The following KALRN variants were observed in gnomAD, a reference collection of about 807,000 sequenced individuals.
The protein encoded by KALRN is kalirin RhoGEF kinase, also known as kalirin.
KALRN carries 70 observed loss-of-function variants against 353.7 expected under a neutral mutation model. The observed-to-expected ratio is 0.20, with a 90% CI of 0.16 to 0.24. The LOEUF (loss-of-function observed/expected upper bound fraction) is 0.24. KALRN is among the 10% of genes least tolerant of loss of function. KALRN has a pLI of 1.00. For synonymous variants in KALRN, 1,391 were observed against 1,434.8 expected (o/e 0.97, Z 0.69); for missense variants, 2,791 against 3,756.7 (o/e 0.74, Z 6.72).
At chr3:124,646,136 G>A (rs2082688398) in intron 37 of KALRN, among the ~76,000 whole-genome samples, 1 of 152,092 alleles carries the variant, frequency 6.6e-6, no homozygotes, top group Non-Finnish European at 1.5e-5. Flanking sequence ...GGTGGCACTG[G>A]ACCAGCTAGC....
intron 1 of KALRN, among the ~76,000 whole-genome samples, chr3:124,080,902 G>A (rs1418175520): frequency 1.3e-5 from 2 of 152,126 alleles, no homozygotes; most frequent in South Asian, 2.1e-4. Context: ...CTAAGGAAAC[G>A]ATTGTTTTAA....
At chr3:124,216,746 T>C (rs2077374989) in intron 1 of KALRN, among the ~76,000 whole-genome samples, 2 of 152,266 alleles carry the variant, frequency 1.3e-5, no homozygotes, top group Admixed American at 1.3e-4. Flanking sequence ...TAGCAGACAT[T>C]ATGAGTCAAA....
At chr3:124,247,030 T>C (rs1294125880) in intron 3 of KALRN, among the ~76,000 whole-genome samples, 2 of 152,220 alleles carry the variant, frequency 1.3e-5, no homozygotes, top group African/African-American at 4.8e-5. Context: ...TTACTTATCA[T>C]TGGTTAAGTC....
Position 124,694,459 on chromosome 3 carries a change from C to A in KALRN, c.7533C>A (p.Ile2511=). ...CTTGGAAGGGTCCAGACCAGAACAT[C>A]CTTGACACTGATAACAGCTCAGCCA... ...TITWKGPDQN[I]LDTDNSSATY... Residue 2511 remains isoleucine (I), a synonymous_variant, in exon 53 of 60, where the codon ATC becomes ATA. Transcript: ENST00000682506. 1 of 1,614,176 alleles carries A rather than the reference C, an allele frequency of 6.2e-7. No individual in the cohort carries two copies. The highest frequency in any genetic ancestry group is 1.7e-5 in the Admixed American group (1 of 60,022).
rs868765031 is a variant in KALRN at position 124,254,955 on chromosome 3, T to A, written c.264-9543T>A. On this transcript the variant is annotated intron_variant, in intron 3 of 59. Coordinates refer to ENST00000682506, the MANE Select transcript of KALRN (RefSeq NM_001388419.1). ...TCTGTCTGAAGTATATATATATATT[T>A]TTTTTTTGAGACAGAGTTTTGCTCT... Among the ~76,000 whole-genome samples the A allele has an allele frequency of 1.3e-3, 198 of 151,908 alleles. 1 individual carries two copies. The highest frequency in any genetic ancestry group is 3.8e-3 in the African/African-American group (158 of 41,302).
intron 21 of KALRN, among the ~76,000 whole-genome samples, chr3:124,451,431 G>A (rs553315392): frequency 6.6e-6 from 1 of 152,292 alleles, no homozygotes; most frequent in East Asian, 1.9e-4. Context: ...TGAGCTCTCA[G>A]GTCTAGATTT....
chr3:124,584,705 C>G, intron 34 of KALRN: 1 of 1,475,558 alleles, frequency 6.8e-7, no homozygotes. Context: ...GGGGAGAGCA[C>G]AGCGGGGAGG....
At chr3:124,445,818 C>A (rs774895925) in intron 19 of KALRN, among the ~76,000 whole-genome samples, 12 of 152,132 alleles carry the variant, frequency 7.9e-5, no homozygotes, top group Non-Finnish European at 1.8e-4. Context: ...ACTCTGGGGG[C>A]CAATTGAATT....
intron 7 of KALRN, 65 bp from the exon 8 acceptor site, chr3:124,329,796 C>T: frequency 6.4e-7 from 1 of 1,566,050 alleles, no homozygotes; most frequent in Non-Finnish European, 8.7e-7. Flanking sequence ...GACCCTCTCT[C>T]CATAATCCAC....
At position 124,671,774 on chromosome 3, in the gene KALRN, G is replaced by T; in HGVS notation, c.6818G>T (p.Gly2273Val). 5.0e-6 allele frequency: 8 copies of T among 1,614,136 alleles called. No individual in the cohort carries two copies. Among genetic ancestry groups the T allele is most frequent in the Non-Finnish European group, 5.9e-6 (7 of 1,180,004 alleles). ...AGGCCCTACTCCTCTGTTCCTGCGG[G>T]CTCAGAGAAGCCCCCAAAGGGCTCC... Reference protein sequence around the residue: ...SPRPYSSVPAGSEKPPKGSSY... With the variant: ...SPRPYSSVPAVSEKPPKGSSY... The change falls in exon 48 of 60, where the codon GGC becomes GTC. Residue 2273 changes from glycine (G) to valine (V), a missense_variant. Transcript: ENST00000682506.
At chr3:124,177,926 T>G (rs2150172180) in intron 1 of KALRN, among the ~76,000 whole-genome samples, 1 of 152,346 alleles carries the variant, frequency 6.6e-6, no homozygotes, top group African/African-American at 2.4e-5. Context: ...TTACCATAGC[T>G]ACTTGGTCCA....
rs1197202106 is a variant in KALRN, at chr3:124,334,503, G to T, written c.1647+8G>T. On this transcript the variant is annotated splice_region_variant and intron_variant, in intron 9 of 59. Transcript: ENST00000682506. The surrounding 1 kb of genome is among the most constrained non-coding windows in gnomAD (Gnocchi z 4.2). ...CAGCAGGATGTACAGCAGGTAACAG[G>T]CTCTGAGCCCCGGTGTCCATTATCC... 13 of 1,600,514 alleles carry T rather than the reference G, an allele frequency of 8.1e-6. No homozygotes were observed. Among genetic ancestry groups the T allele is most frequent in the Non-Finnish European group, 1.1e-5 (13 of 1,169,364 alleles).
intron 1 of KALRN, among the ~76,000 whole-genome samples, chr3:124,221,847 G>A (rs1212744): frequency 4.6e-5 from 7 of 152,120 alleles, no homozygotes; most frequent in African/African-American, 7.2e-5. Flanking sequence ...ATGGACACTC[G>A]GTATTTTATT....
chr3:124,585,806 A>G (rs890576284), intron 34 of KALRN, among the ~76,000 whole-genome samples: 12 of 152,190 alleles, frequency 7.9e-5, no homozygotes, highest in African/African-American at 2.7e-4. Flanking sequence ...AAAAAGTTTC[A>G]CCTTTTGGGC....
intron 21 of KALRN, among the ~76,000 whole-genome samples, chr3:124,452,068 C>G (rs1379189304): frequency 6.6e-6 from 1 of 152,208 alleles, no homozygotes; most frequent in Non-Finnish European, 1.5e-5. Flanking sequence ...ATGGGCTGCC[C>G]TCATAAGACA....
At chr3:124,277,345 T>C (rs979690136) in intron 5 of KALRN, among the ~76,000 whole-genome samples, 1 of 152,092 alleles carries the variant, frequency 6.6e-6, no homozygotes, top group African/African-American at 2.4e-5. Flanking sequence ...CCTCTCCTAC[T>C]GAGACCTTAA....
At chr3:124,583,813 C>T (rs1371620211) in intron 34 of KALRN, among the ~76,000 whole-genome samples, 1 of 152,164 alleles carries the variant, frequency 6.6e-6, no homozygotes, top group Non-Finnish European at 1.5e-5. Context: ...TCTCGGGCCC[C>T]ACCTCCTACC....
intron 33 of KALRN, among the ~76,000 whole-genome samples, chr3:124,528,674 A>G (rs994924183): frequency 2.0e-5 from 3 of 152,196 alleles, no homozygotes; most frequent in African/African-American, 7.2e-5. Flanking sequence ...AGAGAGATAC[A>G]TTGCAAGACT....
chr3:124,406,917 C>T (rs890587676), intron 13 of KALRN, among the ~76,000 whole-genome samples: 4 of 149,368 alleles, frequency 2.7e-5, no homozygotes, highest in Admixed American at 6.7e-5. Flanking sequence ...CTGCTATCTC[C>T]GCCTCCTGGG....
Sources: allele counts gnomAD v4.1 joint callset (sites outside exome capture counted in the v4.1 genomes callset), GRCh38; gene constraint gnomAD v4.1.1; non-coding constraint Gnocchi (gnomAD v3.1); transcripts MANE v1.5; gene names NCBI Gene and HGNC (gene_info 2026-07-23, HGNC 2026-07-21).